Variants in PSTPIP2 observed in about 807,000 individuals in gnomAD.
PSTPIP2 encodes proline-serine-threonine phosphatase interacting protein 2, also known as proline-serine-threonine phosphatase-interacting protein 2.
A neutral mutation model predicts 63.3 loss-of-function variants in PSTPIP2; 33 were observed. The ratio of observed to expected loss-of-function variants is 0.52; its 90% CI spans 0.40 to 0.70. PSTPIP2 has a LOEUF of 0.70. PSTPIP2 is among the 30% of genes least tolerant of loss of function. The probability of loss-of-function intolerance (pLI) is 0.00; values close to 1 mark genes in which losing one functional copy is unlikely to be tolerated. For synonymous variants in PSTPIP2, 125 were observed against 132.7 expected, an observed-to-expected ratio of 0.94 and a Z score of 0.40; for missense variants, 312 against 400.7, an observed-to-expected ratio of 0.78 and a Z score of 1.89.
At chr18:46,067,515 A>C (rs1419310930) in intron 1 of PSTPIP2, among the ~76,000 whole-genome samples, 1 of 151,374 alleles carries the variant, frequency 6.6e-6, no homozygotes, top group East Asian at 1.9e-4. Flanking sequence ...AAAAAAAAAA[A>C]AAAAATGTTG....
At chr18:46,023,090 A>G (rs553600852) in intron 3 of PSTPIP2, among the ~76,000 whole-genome samples, 1 of 152,288 alleles carries the variant, frequency 6.6e-6, no homozygotes, top group South Asian at 2.1e-4. Flanking sequence ...CGTGGAGGGG[A>G]ACAACACACA....
At chr18:46,070,350 C>T (rs536181830) in intron 1 of PSTPIP2, among the ~76,000 whole-genome samples, 1 of 152,326 alleles carries the variant, frequency 6.6e-6, no homozygotes, top group South Asian at 2.1e-4. Flanking sequence ...CTGTCTTCAC[C>T]CTGTCACCCT....
chr18:46,029,874 G>T (rs528415185), intron 2 of PSTPIP2: 4 of 319,044 alleles, frequency 1.3e-5, no homozygotes, highest in Non-Finnish European at 2.4e-5. Context: ...CAGAACTTTG[G>T]GAGGCCGAGG....
intron 1 of PSTPIP2, among the ~76,000 whole-genome samples, chr18:46,065,152 AAAAAAAAAAAAAG>A (rs1230013376): frequency 6.6e-6 from 1 of 150,862 alleles, no homozygotes; most frequent in Non-Finnish European, 1.5e-5. Flanking sequence ...CTCAAAAAAA[AAAAAAAAAAAAAG>A]AAAAGAAAAG....
intron 1 of PSTPIP2, among the ~76,000 whole-genome samples, chr18:46,061,821 T>C (rs1378790252): frequency 2.6e-5 from 4 of 152,164 alleles, no homozygotes; most frequent in African/African-American, 9.7e-5. Context: ...GAGAAAACAA[T>C]ATCTGTATTT....
chr18:46,042,658 T>C (rs1331647567), intron 1 of PSTPIP2, among the ~76,000 whole-genome samples: 1 of 152,104 alleles, frequency 6.6e-6, no homozygotes, highest in African/African-American at 2.4e-5. Context: ...AAGAGAACAA[T>C]GAAAACAGAT....
Position 45,983,953 on chromosome 18 carries a change from C to T in PSTPIP2, c.*1506G>A, listed in dbSNP as rs529050506. 5.9e-5 allele frequency: 9 copies of T among 152,240 alleles called. No individual in the cohort carries two copies. The highest frequency in any genetic ancestry group is 2.2e-4 in the African/African-American group (9 of 41,526). The allele number at this position is 152,240 out of a possible 1,614,324, so 9.4% of individuals were successfully genotyped here. The stretch of plus-strand genomic sequence containing the variant: ...CCTGAGGTCAGGAGTTTGAGACCAG[C>T]CTGACCAACATGGTAAAACCCTGTC... On this transcript the variant is annotated 3_prime_UTR_variant, in exon 15 of 15. Coordinates refer to ENST00000409746, the MANE Select transcript of PSTPIP2 (RefSeq NM_024430.4).
intron 4 of PSTPIP2, 49 bp downstream of exon 4, chr18:46,015,854 G>A: frequency 1.3e-6 from 2 of 1,570,214 alleles, no homozygotes; most frequent in Non-Finnish European, 1.7e-6. Flanking sequence ...GACAGACACA[G>A]GGCTTGTCAA....
rs754162492 is a variant in PSTPIP2, at chr18:46,044,902, G to GA, written c.34-4856dup. On this transcript the variant is annotated intron_variant, in intron 1 of 14. Coordinates refer to ENST00000409746, the MANE Select transcript of PSTPIP2 (RefSeq NM_024430.4). The stretch of plus-strand genomic sequence containing the variant: ...GCATTTATGCAGCCAAAAAACACAT[G>GA]AAAAAATGCTCACCATCACTGGCCA... Among the ~76,000 whole-genome samples, 417 of 152,254 alleles carry GA rather than the reference G, an allele frequency of 2.7e-3. 1 individual carries two copies. The highest frequency in any genetic ancestry group is 0.014 in the Middle Eastern group (4 of 294).
Position 46,015,953 on chromosome 18 carries a change from AC to A in PSTPIP2, c.213-17del, listed in dbSNP as rs2051849088. The A allele has an allele frequency of 3.1e-6, 5 of 1,610,980 alleles. No individual in the cohort carries two copies. The highest frequency in any genetic ancestry group is 4.2e-6 in the Non-Finnish European group (5 of 1,177,952). On this transcript the variant is annotated splice_polypyrimidine_tract_variant and intron_variant, in intron 3 of 14. Coordinates refer to ENST00000409746, the MANE Select transcript of PSTPIP2 (RefSeq NM_024430.4). ...CTTCAGGGTGCTAAAAAAAACAAGC[AC>A]ATATATAATTTCAGTTCTGGAAATT...
At position 46,028,460 on chromosome 18, in the gene PSTPIP2, G is replaced by C. The variant is rs190614187; in HGVS notation, c.135-3774C>G. 3.4e-3 allele frequency: 2,037 copies of C among 594,648 alleles called. 7 individuals are homozygous for C. The highest frequency in any genetic ancestry group is 5.9e-3 in the Middle Eastern group (14 of 2,374). 36.8% of individuals were successfully genotyped at this position (594,648 alleles called of 1,614,324 possible). On this transcript the variant is annotated intron_variant, in intron 2 of 14. Transcript: ENST00000409746. Reference sequence around the variant, plus strand: ...CGCCCGACGCTGGAGAAGACAAACCGGCCGTGGAGTGGTGCCTGGAGGAGC... The same window carrying C: ...CGCCCGACGCTGGAGAAGACAAACCCGCCGTGGAGTGGTGCCTGGAGGAGC...
At chr18:46,019,525 G>A (rs1375107069) in intron 3 of PSTPIP2, among the ~76,000 whole-genome samples, 2 of 152,118 alleles carry the variant, frequency 1.3e-5, no homozygotes, top group South Asian at 2.1e-4. Flanking sequence ...TTGAGGCCGG[G>A]TGCAGTGGCT....
intron 4 of PSTPIP2, among the ~76,000 whole-genome samples, chr18:46,011,649 A>T (rs551742947): frequency 5.9e-5 from 9 of 152,244 alleles, no homozygotes; most frequent in African/African-American, 1.9e-4. Flanking sequence ...GATGACCTCT[A>T]AGTTTCCTTC....
intron 1 of PSTPIP2, among the ~76,000 whole-genome samples, chr18:46,060,711 T>C (rs1430001341): frequency 6.6e-6 from 1 of 152,226 alleles, no homozygotes; most frequent in East Asian, 1.9e-4. Context: ...GTGCTGGTCT[T>C]TCCAGGCTTC....
At chr18:46,040,812 G>A (rs1908164617) in intron 1 of PSTPIP2, among the ~76,000 whole-genome samples, 1 of 152,182 alleles carries the variant, frequency 6.6e-6, no homozygotes, top group Non-Finnish European at 1.5e-5. Context: ...GGAAGTGACA[G>A]ACAAATCACA....
At chr18:46,017,855 G>A (rs1368632932) in intron 3 of PSTPIP2, among the ~76,000 whole-genome samples, 1 of 151,990 alleles carries the variant, frequency 6.6e-6, no homozygotes, top group Non-Finnish European at 1.5e-5. Flanking sequence ...TAGATCTCCT[G>A]AACTTATTCC....
chr18:46,058,890 C>G (rs1908879002), intron 1 of PSTPIP2, among the ~76,000 whole-genome samples: 1 of 152,130 alleles, frequency 6.6e-6, no homozygotes, highest in Non-Finnish European at 1.5e-5. Flanking sequence ...CTGGACACTG[C>G]CTGGGAGGCT....
intron 2 of PSTPIP2, among the ~76,000 whole-genome samples, chr18:46,031,815 G>C (rs1907796263): frequency 6.6e-6 from 1 of 151,998 alleles, no homozygotes; most frequent in African/African-American, 2.4e-5. Flanking sequence ...CATACCATAG[G>C]CCACATCTTG....
At chr18:46,011,978 A>G (rs1018118039) in intron 4 of PSTPIP2, among the ~76,000 whole-genome samples, 5 of 152,242 alleles carry the variant, frequency 3.3e-5, no homozygotes, top group Non-Finnish European at 7.3e-5. Context: ...AAGATACATG[A>G]CAAACTGGAA....
Sources: gnomAD v4.1 joint callset for allele counts (sites outside exome capture counted in the v4.1 genomes callset) on GRCh38, gnomAD v4.1.1 for gene constraint, MANE v1.5 for transcripts, NCBI Gene and HGNC (gene_info 2026-07-23, HGNC 2026-07-21) for gene names.